The following RRP12 variants were observed in gnomAD, a reference collection of about 807,000 sequenced individuals.
RRP12 encodes the protein RRP12-like protein.
Under a neutral mutation model 157.3 loss-of-function variants are expected in RRP12, and 78 were observed. The ratio of observed to expected loss-of-function variants is 0.50; its 90% CI spans 0.41 to 0.60. The LOEUF (loss-of-function observed/expected upper bound fraction) is 0.60. Among genes scored for constraint, RRP12 ranks in the 20% least tolerant of loss-of-function variants. The pLI is 0.00. For missense variants in RRP12, 1,521 were observed against 1,679.9 expected (o/e 0.91, Z 1.65); for synonymous variants, 726 against 670.9 (o/e 1.08, Z -1.27).
intron 29 of RRP12, 42 bp downstream of exon 29, chr10:97,366,066 A>AAGT: frequency 1.3e-6 from 2 of 1,599,486 alleles, no homozygotes; most frequent in Non-Finnish European, 1.7e-6. Flanking sequence ...CCGAAGGAAT[A>AAGT]AGTGAACACG....
At chr10:97,371,114 G>T (rs755892518) in intron 20 of RRP12, 33 bp from the exon 21 acceptor site, 1 of 1,607,810 alleles carries the variant, frequency 6.2e-7, no homozygotes, top group South Asian at 1.1e-5. Context: ...GGAGGCCTGG[G>T]GCTCACTCCC....
chr10:97,357,136 G>A lies in RRP12; in HGVS notation c.3852C>T (p.Ser1284=), dbSNP rs760041683. ...TTCTGCGGTTTTTGTGTCCCACCTGGGAACCTCGCCGGGCAGCCTTCACCA... is the reference window on the plus strand; with the variant it reads ...TTCTGCGGTTTTTGTGTCCCACCTGAGAACCTCGCCGGGCAGCCTTCACCA... ...KGLVKAARRG[S]QVGHKNRRKD... is the part of the protein sequence containing the mutation. The change falls in exon 34 of 34, where the codon TCC becomes TCT. Residue 1284 remains serine (S), a synonymous_variant. Coordinates refer to ENST00000370992, the MANE Select transcript of RRP12 (RefSeq NM_015179.4). 4.9e-5 allele frequency: 79 copies of A among 1,613,418 alleles called. No homozygotes were observed. The highest frequency in any genetic ancestry group is 6.3e-5 in the Non-Finnish European group (74 of 1,179,650).
intron 10 of RRP12, among the ~76,000 whole-genome samples, chr10:97,382,106 G>A (rs1031842000): frequency 1.3e-5 from 2 of 152,108 alleles, no homozygotes; most frequent in Non-Finnish European, 2.9e-5. Context: ...TACTTCCAGG[G>A]GAAAATCAAG....
At chr10:97,377,844 CAAAAA>C (rs57212325) in intron 15 of RRP12, among the ~76,000 whole-genome samples, 1 of 48,796 alleles carries the variant, frequency 2.0e-5, no homozygotes, top group Admixed American at 2.0e-4. Flanking sequence ...GACTTCATCT[CAAAAA>C]AAAAAAAAAA....
intron 20 of RRP12, 194 bp from the exon 21 acceptor site, chr10:97,371,275 C>T (rs767285020): frequency 6.4e-6 from 4 of 626,408 alleles, no homozygotes; most frequent in South Asian, 2.0e-5. Flanking sequence ...GGGTGTGTGC[C>T]GTGGGGCCCA....
intron 4 of RRP12, 129 bp downstream of exon 4, chr10:97,393,555 C>T: frequency 1.3e-6 from 1 of 789,180 alleles, no homozygotes; most frequent in Non-Finnish European, 2.2e-6. Context: ...ATTCTGCATG[C>T]CTCTAGACAA....
At chr10:97,395,242 ATATT>A (rs970325622) in intron 3 of RRP12, among the ~76,000 whole-genome samples, 16 of 151,964 alleles carry the variant, frequency 1.1e-4, no homozygotes, top group South Asian at 1.0e-3. Flanking sequence ...ATACACAAAT[ATATT>A]TATTTATTTA....
Position 97,366,590 on chromosome 10 carries a change from C to T in RRP12, c.3247G>A (p.Glu1083Lys), listed in dbSNP as rs773042545. ...CTTTCCTCCTCCTCATTGTCCTCCT[C>T]GTCCTCTGAGTCAGCTAAAATCTCC... Reference protein sequence around the residue: ...IEEILADSEDEEDNEEEERSR... With the variant: ...IEEILADSEDKEDNEEEERSR... The change falls in exon 28 of 34, where the codon GAG becomes AAG. Residue 1083 changes from glutamate to lysine, a missense_variant. By Grantham distance (56) the Glu-to-Lys change is moderately conservative (BLOSUM62 1). Transcript: ENST00000370992. 10 of 1,613,714 alleles carry T rather than the reference C, an allele frequency of 6.2e-6. No individual in the cohort carries two copies. Among genetic ancestry groups the T allele is most frequent in the Middle Eastern group, 1.6e-4 (1 of 6,084 alleles).
chr10:97,358,635 AAC>A lies in RRP12; in HGVS notation c.3709-18_3709-17del. The A allele has an allele frequency of 3.1e-6, 5 of 1,603,164 alleles. No homozygotes were observed. Among genetic ancestry groups the A allele is most frequent in the Non-Finnish European group, 3.4e-6 (4 of 1,170,440 alleles). Reference sequence around the variant, plus strand: ...CTTTTGCTTTCTGCTTGCCCAGAGAAACAGAGTCAGCTAGGAGGGTGGGGTTC... The same window carrying A: ...CTTTTGCTTTCTGCTTGCCCAGAGAAAGAGTCAGCTAGGAGGGTGGGGTTC... On this transcript the variant is annotated splice_polypyrimidine_tract_variant and intron_variant, in intron 32 of 33. Coordinates refer to ENST00000370992, the MANE Select transcript of RRP12 (RefSeq NM_015179.4).
intron 8 of RRP12, among the ~76,000 whole-genome samples, chr10:97,387,004 A>G (rs1415934953): frequency 6.6e-6 from 1 of 151,498 alleles, no homozygotes; most frequent in Non-Finnish European, 1.5e-5. Context: ...AAAAAAAGAG[A>G]GAGAACACAC....
chr10:97,401,113 C>A lies in RRP12; in HGVS notation c.119G>T (p.Arg40Leu), dbSNP rs746682178. ...ICRHRQAARS[R>L]FFSRPSGRSD... ...GCTACCTGACGGCCGGCTGAAGAAG[C>A]GGCTGCGGGCGGCCTGACGGTGGCG... Residue 40 changes from arginine to leucine, a missense_variant, in exon 1 of 34, where the codon CGC becomes CTC. Arg to Leu is a moderately radical substitution (Grantham distance 102, BLOSUM62 -2). Coordinates refer to ENST00000370992, the MANE Select transcript of RRP12 (RefSeq NM_015179.4). 5.0e-6 allele frequency: 8 copies of A among 1,613,198 alleles called. No individual in the cohort carries two copies. Among genetic ancestry groups the A allele is most frequent in the Middle Eastern group, 3.3e-4 (2 of 6,082 alleles).
intron 8 of RRP12, chr10:97,388,012 A>G: frequency 2.1e-6 from 1 of 481,654 alleles, no homozygotes. Flanking sequence ...AGGGTTTACC[A>G]GCCCACTACA....
At chr10:97,376,245 C>T (rs1267160071) in intron 15 of RRP12, among the ~76,000 whole-genome samples, 6 of 118,152 alleles carry the variant, frequency 5.1e-5, no homozygotes, top group Non-Finnish European at 6.6e-5. Context: ...GATGAAGTCT[C>T]GCTCTGTCTC....
chr10:97,365,674 T>C lies in RRP12; in HGVS notation c.3517+434A>G, dbSNP rs369359826. 1.0e-3 allele frequency among the ~76,000 whole-genome samples: 153 copies of C among 151,072 alleles called. 1 individual carries two copies. The highest frequency in any genetic ancestry group is 3.4e-3 in the African/African-American group (141 of 41,088). On this transcript the variant is annotated intron_variant, in intron 29 of 33. Coordinates refer to ENST00000370992, the MANE Select transcript of RRP12 (RefSeq NM_015179.4). ...CCACACCGGAGGGACTCCCGGGCAA[T>C]GTGAGACATTGGGATTGGGAAGTTG...
In RRP12 at chr10:97,370,224, C is replaced by T; in HGVS notation, c.2740G>A (p.Val914Met). 3 of 1,606,526 alleles carry T rather than the reference C, an allele frequency of 1.9e-6. No individual in the cohort carries two copies. The highest frequency in any genetic ancestry group is 2.5e-6 in the Non-Finnish European group (3 of 1,177,044). ...AGGATGCTGCAGCTGACCATGGTCA[C>T]CGCGCCCACCAGGCCAGGGTAGATC... Reference protein sequence around the residue: ...VLIYPGLVGAVTMVSCSILAL... With the variant: ...VLIYPGLVGAMTMVSCSILAL... Residue 914 changes from valine (V) to methionine (M), a missense_variant, in exon 24 of 34, where the codon GTG (valine) becomes ATG (methionine). Val to Met is a conservative substitution (Grantham distance 21, BLOSUM62 1). Transcript: ENST00000370992.
rs1844048022 is a variant in RRP12 at position 97,368,340 on chromosome 10, C to T, written c.2955+1085G>A. Among the ~76,000 whole-genome samples the T allele has an allele frequency of 2.0e-5, 3 of 150,638 alleles. No homozygotes were observed. The Admixed American group carries it at 2.0e-4, about 10-fold the overall frequency. On this transcript the variant is annotated intron_variant, in intron 25 of 33. Coordinates refer to ENST00000370992, the MANE Select transcript of RRP12 (RefSeq NM_015179.4). ...AGCCACCGCTCCTGGCCTCCCCAACCACTCTTGGAAGGGCTTCTATAAATC... is the reference window on the plus strand; with the variant it reads ...AGCCACCGCTCCTGGCCTCCCCAACTACTCTTGGAAGGGCTTCTATAAATC...
At chr10:97,372,670 C>A in intron 19 of RRP12, 66 bp downstream of exon 19, 1 of 1,283,830 alleles carries the variant, frequency 7.8e-7, no homozygotes, top group South Asian at 1.3e-5. Context: ...CACAGTGCTT[C>A]TGCCAGATGC....
Position 97,385,180 on chromosome 10 carries a change from G to A in RRP12, c.1194C>T (p.His398=), listed in dbSNP as rs1844592054. 1.2e-6 allele frequency: 2 copies of A among 1,613,442 alleles called. No homozygotes were observed. The highest frequency in any genetic ancestry group is 1.7e-5 in the Admixed American group (1 of 59,990). The change falls in exon 10 of 34, where the codon CAC becomes CAT. Residue 398 remains histidine (H), a synonymous_variant. Transcript: ENST00000370992. ...LAWLKVMEKA[H]INLVRLQWDL... is the part of the protein sequence containing the mutation. ...TTCATCCGTACCTCACCAGGTTGAT[G>A]TGGGCTTTCTCCATGACCTTAAGCC...
rs1029813492 is a variant in RRP12 at position 97,364,039 on chromosome 10, T to C, written c.3518-136A>G. ...CAGAAAATTGCCTTCCTCAGACCAA[T>C]ATCATCCTTCTGCTAGAAGAGATGA... On this transcript the variant is annotated intron_variant, in intron 29 of 33. Coordinates refer to ENST00000370992, the MANE Select transcript of RRP12 (RefSeq NM_015179.4). 1.4e-5 allele frequency: 10 copies of C among 732,836 alleles called. No individual in the cohort carries two copies. In the Admixed American group the frequency reaches 2.1e-4, roughly 15 times the overall value. 45.4% of individuals were successfully genotyped at this position (732,836 alleles called of 1,614,324 possible). A position where few individuals can be genotyped will look rare whatever the true frequency, so the allele number is the denominator to read the frequency against.
Sources: allele counts gnomAD v4.1 joint callset (sites outside exome capture counted in the v4.1 genomes callset), GRCh38; gene constraint gnomAD v4.1.1; transcripts MANE v1.5; gene names NCBI Gene and HGNC (gene_info 2026-07-23, HGNC 2026-07-21).